IVD: variants seen among roughly 807,000 people sequenced by gnomAD.
The protein encoded by IVD is isovaleryl-CoA dehydrogenase, mitochondrial.
Under a neutral mutation model 51.3 loss-of-function variants are expected in IVD, and 31 were observed. That is an observed-to-expected ratio of 0.60 (90% CI 0.45 to 0.81). The LOEUF is 0.81. Among genes scored for constraint, IVD ranks in the 40% least tolerant of loss-of-function variants. The pLI is 0.00. For missense variants in IVD, 475 were observed against 552.0 expected (o/e 0.86, Z 1.40); for synonymous variants, 205 against 219.4 (o/e 0.93, Z 0.58).
downstream of IVD, among the ~76,000 whole-genome samples, chr15:40,426,357 G>A (rs1422956089): frequency 6.6e-6 from 1 of 151,868 alleles, no homozygotes; most frequent in East Asian, 1.9e-4. Context: ...GGCCAACATG[G>A]TGAAACCCTA....
chr15:40,416,390 G>A (rs1566941740), intron 11 of IVD, 28 bp downstream of exon 11: 4 of 1,607,714 alleles, frequency 2.5e-6, no homozygotes, highest in Non-Finnish European at 3.4e-6. Flanking sequence ...CCCAGTCCCG[G>A]GGCTCCCTCA....
chr15:40,414,716 C>CT, intron 7 of IVD, 173 bp from the exon 8 acceptor site: 1 of 1,145,358 alleles, frequency 8.7e-7, no homozygotes. Flanking sequence ...CCACTTCTGA[C>CT]TGGAAGGGGT....
intron 11 of IVD, among the ~76,000 whole-genome samples, chr15:40,417,481 C>T (rs1386061443): frequency 1.4e-5 from 2 of 147,276 alleles, no homozygotes; most frequent in South Asian, 4.2e-4. Context: ...GCACTCCAGC[C>T]TAGGCCACAG....
Position 40,416,144 on chromosome 15 carries a change from G to A in IVD, c.1027G>A (p.Val343Ile), listed in dbSNP as rs1164582300. Residue 343 changes from valine (V) to isoleucine (I), a missense_variant, in exon 10 of 12, where the codon GTC becomes ATC. Val to Ile is a conservative substitution (Grantham distance 29). Coordinates refer to ENST00000487418, the MANE Select transcript of IVD (RefSeq NM_002225.5). ...GGCGTGTCGGCAGTATGTCTACAAT[G>A]TCGCCAAGGCCTGCGATGAGGGCCA... ...LMACRQYVYNVAKACDEGHCT... is the reference protein window; with the variant it reads ...LMACRQYVYNIAKACDEGHCT... 1 of 1,614,258 alleles carries A rather than the reference G, an allele frequency of 6.2e-7. No homozygotes were observed. The highest frequency in any genetic ancestry group is 8.5e-7 in the Non-Finnish European group (1 of 1,180,048).
chr15:40,435,326 C>T (rs1472857741), intron 8 of IVD: 6 of 913,146 alleles, frequency 6.6e-6, no homozygotes, highest in Non-Finnish European at 7.9e-6. Flanking sequence ...TCCATTTCTT[C>T]CCCGGGGAAA....
At chr15:40,408,156 ACT>A (rs750405247) in intron 3 of IVD, among the ~76,000 whole-genome samples, 166 bp downstream of exon 3, 75 of 152,268 alleles carry the variant, frequency 4.9e-4, no homozygotes, top group Admixed American at 1.1e-3. Flanking sequence ...AGAACAGGAC[ACT>A]CTTCTATTTT....
At chr15:40,428,838 C>T (rs1447490200), downstream of IVD, among the ~76,000 whole-genome samples, 1 of 152,154 alleles carries the variant, frequency 6.6e-6, no homozygotes, top group African/African-American at 2.4e-5. Context: ...TGAGGCCTCC[C>T]CAAAGAAGGA....
chr15:40,434,392 AG>A (rs1309839673), intron 8 of IVD, among the ~76,000 whole-genome samples: 32 of 152,072 alleles, frequency 2.1e-4, no homozygotes, highest in Admixed American at 2.1e-3. Context: ...GAAAGGGGAG[AG>A]GTAGAGGGCT....
At chr15:40,433,471 G>A (rs188657024) in intron 7 of IVD, among the ~76,000 whole-genome samples, 271 of 152,244 alleles carry the variant, frequency 1.8e-3, no homozygotes, top group African/African-American at 2.0e-3. Context: ...GGGTCTGTAC[G>A]TCTGGAATAA....
intron 6 of IVD, 143 bp downstream of exon 6, chr15:40,411,834 T>C: frequency 9.8e-7 from 1 of 1,024,022 alleles, no homozygotes; most frequent in East Asian, 2.6e-5. Flanking sequence ...GAGAGCAGAC[T>C]GCAAGGAGGG....
At chr15:40,428,332 A>C (rs972606881), downstream of IVD, among the ~76,000 whole-genome samples, 29 of 151,982 alleles carry the variant, frequency 1.9e-4, no homozygotes, top group Admixed American at 1.8e-3. Context: ...CTAGATATTG[A>C]GATCCAGCCA....
Position 40,419,320 on chromosome 15 carries a change from G to T in IVD, c.*1057G>T, listed in dbSNP as rs1176825262. The stretch of plus-strand genomic sequence containing the variant: ...GCAGTCAGGAGTTCAAGACCAGCCT[G>T]TCCAACGTGGTGAAACCCCATCTCT... On this transcript the variant is annotated 3_prime_UTR_variant, in exon 12 of 12. Coordinates refer to ENST00000487418, the MANE Select transcript of IVD (RefSeq NM_002225.5). 4.4e-6 allele frequency: 4 copies of T among 905,980 alleles called. No homozygotes were observed. Among genetic ancestry groups the T allele is most frequent in the African/African-American group, 3.5e-5 (2 of 57,184 alleles). 56.1% of individuals were successfully genotyped at this position (905,980 alleles called of 1,614,324 possible). A position where few individuals can be genotyped will look rare whatever the true frequency, so the allele number is the denominator to read the frequency against.
At position 40,412,996 on chromosome 15, in the gene IVD, G is replaced by T. The variant is rs1255417710; in HGVS notation, c.693G>T (p.Met231Ile). 2.5e-6 allele frequency: 4 copies of T among 1,613,794 alleles called. No homozygotes were observed. The highest frequency in any genetic ancestry group is 3.4e-6 in the Non-Finnish European group (4 of 1,179,674). Reference protein sequence around the residue: ...GITAFIVEKGMPGFSTSKKLD... With the variant: ...GITAFIVEKGIPGFSTSKKLD... Reference sequence around the variant, plus strand: ...ACCTTTTGTTTCCTGTAAAGGGTATGCCTGGCTTTAGCACCTCTAAGAAGC... The same window carrying T: ...ACCTTTTGTTTCCTGTAAAGGGTATTCCTGGCTTTAGCACCTCTAAGAAGC... Residue 231 changes from methionine (M) to isoleucine (I), a missense_variant, in exon 7 of 12, where the codon ATG becomes ATT. By Grantham distance (10) the Met-to-Ile change is conservative. Coordinates refer to ENST00000487418, the MANE Select transcript of IVD (RefSeq NM_002225.5).
chr15:40,423,104 A>C (rs1379377259), downstream of IVD, among the ~76,000 whole-genome samples: 1 of 148,964 alleles, frequency 6.7e-6, no homozygotes, highest in South Asian at 2.1e-4. Context: ...ATGCCAGACT[A>C]ATTTTTGTAT....
chr15:40,410,283 C>T (rs1002335834), intron 3 of IVD, among the ~76,000 whole-genome samples: 2 of 152,222 alleles, frequency 1.3e-5, no homozygotes, highest in Non-Finnish European at 2.9e-5. Context: ...TTTCTCCAGG[C>T]CCTCTTTCTT....
At chr15:40,422,585 CTTTTTTT>C (rs1157351420), downstream of IVD, among the ~76,000 whole-genome samples, 687 of 69,118 alleles carry the variant, frequency 9.9e-3, 44 homozygotes, top group African/African-American at 0.035. Context: ...GCCCGGCCGA[CTTTTTTT>C]TTTTTTTTTT....
chr15:40,407,588 A>G (rs751495939), intron 1 of IVD, 48 bp from the exon 2 acceptor site: 114 of 1,309,210 alleles, frequency 8.7e-5, no homozygotes, highest in Admixed American at 3.2e-4. Context: ...GTGTCTGGGT[A>G]GTGGAGATGC....
chr15:40,425,738 G>T (rs1892634936), downstream of IVD, among the ~76,000 whole-genome samples: 1 of 151,956 alleles, frequency 6.6e-6, no homozygotes, highest in African/African-American at 2.4e-5. Context: ...GCCCAGGCTG[G>T]TCTCAGACTC....
In IVD at chr15:40,421,024, A is replaced by T; in HGVS notation, c.*2761A>T. The T allele has an allele frequency of 1.0e-6, 1 of 985,232 alleles. No individual in the cohort carries two copies. The highest frequency in any genetic ancestry group is 1.2e-6 in the Non-Finnish European group (1 of 829,958). The allele number at this position is 985,232 out of a possible 1,614,324, so 61.0% of individuals were successfully genotyped here. The stretch of plus-strand genomic sequence containing the variant: ...GACAGGTGGGGTTGGCTCCTCACCA[A>T]CCCCAGTTCCGTCCCATCCTGAGGG... On this transcript the variant is annotated 3_prime_UTR_variant, in exon 12 of 12. Coordinates refer to ENST00000487418, the MANE Select transcript of IVD (RefSeq NM_002225.5).
Sources: gnomAD v4.1 joint callset for allele counts (sites outside exome capture counted in the v4.1 genomes callset) on GRCh38, gnomAD v4.1.1 for gene constraint, MANE v1.5 for transcripts, NCBI Gene and HGNC (gene_info 2026-07-23, HGNC 2026-07-21) for gene names.